Variants in ZFAND3 observed in about 807,000 individuals in gnomAD.
ZFAND3 encodes AN1-type zinc finger protein 3.
In ZFAND3, 10 loss-of-function variants were observed where a neutral mutation model predicts 29.6. The ratio of observed to expected loss-of-function variants is 0.34; its 90% CI spans 0.21 to 0.57. The LOEUF (loss-of-function observed/expected upper bound fraction) is 0.57. Ranked by LOEUF, ZFAND3 falls within the 20% of genes least tolerant of loss-of-function variation. The pLI, the probability that ZFAND3 is intolerant of heterozygous loss-of-function variation, is 0.86. For synonymous variants in ZFAND3, 128 were observed against 112.6 expected, an observed-to-expected ratio of 1.14 and a Z score of -0.87; for missense variants, 230 against 304.5, an observed-to-expected ratio of 0.76 and a Z score of 1.82.
chr6:38,096,338 A>C (rs1467666526), intron 4 of ZFAND3, among the ~76,000 whole-genome samples: 1 of 152,086 alleles, frequency 6.6e-6, no homozygotes, highest in African/African-American at 2.4e-5. Flanking sequence ...ACATCGGGCT[A>C]ACTTTTGTAT....
intron 5 of ZFAND3, among the ~76,000 whole-genome samples, chr6:38,151,279 A>C (rs928937979): frequency 9.9e-5 from 15 of 152,074 alleles, no homozygotes; most frequent in Non-Finnish European, 5.9e-5. Flanking sequence ...ATCTTTCATC[A>C]CTGGTCTTTT....
At chr6:37,909,620 CTTTTTTTT>C (rs34105026) in intron 1 of ZFAND3, among the ~76,000 whole-genome samples, 2 of 122,992 alleles carry the variant, frequency 1.6e-5, no homozygotes, top group African/African-American at 2.9e-5. Flanking sequence ...GTTCAGAATT[CTTTTTTTT>C]TTTTTTTTTT....
intron 2 of ZFAND3, among the ~76,000 whole-genome samples, chr6:37,961,163 G>T (rs1324615133): frequency 6.6e-6 from 1 of 152,194 alleles, no homozygotes; most frequent in Non-Finnish European, 1.5e-5. Context: ...TGGGCCACCA[G>T]ACAGGAGCCC....
intron 2 of ZFAND3, among the ~76,000 whole-genome samples, chr6:38,018,678 A>G (rs1763292503): frequency 6.6e-6 from 1 of 152,088 alleles, no homozygotes; most frequent in African/African-American, 2.4e-5. Context: ...CATTTATTAA[A>G]CCAGTTCTCT....
chr6:38,082,137 C>T (rs1249806586), intron 3 of ZFAND3, among the ~76,000 whole-genome samples: 11 of 150,362 alleles, frequency 7.3e-5, no homozygotes, highest in Non-Finnish European at 1.5e-4. Flanking sequence ...ATGTGAGACT[C>T]GGCTGTTTTT....
chr6:37,903,217 T>A (rs750019416), intron 1 of ZFAND3, among the ~76,000 whole-genome samples: 2 of 152,232 alleles, frequency 1.3e-5, no homozygotes, highest in African/African-American at 4.8e-5. Context: ...ATTACCTGTA[T>A]AATTGAAAAA....
rs70981523 is a variant in ZFAND3 at position 38,120,320 on chromosome 6, CTTTTTTTTTT to C, written c.529+3602_529+3611del. Among the ~76,000 whole-genome samples the C allele has an allele frequency of 1.6e-3, 96 of 60,734 alleles. No individual in the cohort carries two copies. In the East Asian group the frequency reaches 0.016, roughly 10 times the overall value. 39.8% of individuals were successfully genotyped at this position (60,734 alleles called of 152,430 possible). Reference sequence around the variant, plus strand: ...TGATTGATACACGTAGCTTGGCTTCCTTTTTTTTTTTTTTTTTTTTTTTTTTTTTTGTGGA... The same window carrying C: ...TGATTGATACACGTAGCTTGGCTTCCTTTTTTTTTTTTTTTTTTTTGTGGA... On this transcript the variant is annotated intron_variant, in intron 5 of 5. Transcript: ENST00000287218.
At chr6:38,032,110 AGCGT>A (rs750835939) in intron 2 of ZFAND3, among the ~76,000 whole-genome samples, 85 of 152,064 alleles carry the variant, frequency 5.6e-4, no homozygotes, top group Non-Finnish European at 1.0e-3. Context: ...TGGAATTACA[AGCGT>A]GAGCCACCAT....
chr6:38,016,128 G>T (rs1561967276), intron 2 of ZFAND3, among the ~76,000 whole-genome samples: 2 of 152,100 alleles, frequency 1.3e-5, no homozygotes, highest in African/African-American at 4.8e-5. Flanking sequence ...TTAGGTTTTG[G>T]AGTCAAATAT....
Position 37,873,217 on chromosome 6 carries a change from G to A in ZFAND3, c.71+53201G>A, listed in dbSNP as rs1021160642. 7.2e-5 allele frequency among the ~76,000 whole-genome samples: 11 copies of A among 152,362 alleles called. 1 individual carries two copies. Among genetic ancestry groups the A allele is most frequent in the Admixed American group, 3.3e-4 (5 of 15,314 alleles). On this transcript the variant is annotated intron_variant, in intron 1 of 5. Coordinates refer to ENST00000287218, the MANE Select transcript of ZFAND3 (RefSeq NM_021943.3). Reference sequence around the variant, plus strand: ...ACCCGGGAGGCGAAGCTTGCGGTGAGCCGAGATCACGCCACTGCATTCAGC... The same window carrying A: ...ACCCGGGAGGCGAAGCTTGCGGTGAACCGAGATCACGCCACTGCATTCAGC...
intron 2 of ZFAND3, among the ~76,000 whole-genome samples, chr6:38,014,867 C>G (rs1763227207): frequency 6.6e-6 from 1 of 152,184 alleles, no homozygotes; most frequent in Admixed American, 6.5e-5. Flanking sequence ...TTTGCCTCTT[C>G]TTTCTGCTTC....
chr6:38,072,531 A>T (rs1013937287), intron 3 of ZFAND3, among the ~76,000 whole-genome samples: 2 of 152,242 alleles, frequency 1.3e-5, no homozygotes, highest in Non-Finnish European at 2.9e-5. Context: ...CACACTTCAC[A>T]CAGCTTTAGC....
intron 5 of ZFAND3, among the ~76,000 whole-genome samples, chr6:38,135,873 C>T (rs1046520762): frequency 3.3e-5 from 5 of 152,168 alleles, no homozygotes; most frequent in Non-Finnish European, 7.4e-5. Flanking sequence ...GCCCTTGAGC[C>T]TGCAGTCCAG....
intron 1 of ZFAND3, among the ~76,000 whole-genome samples, chr6:37,899,779 T>A (rs1759269705): frequency 6.6e-6 from 1 of 152,218 alleles, no homozygotes; most frequent in Non-Finnish European, 1.5e-5. Flanking sequence ...TTCAAAATGG[T>A]TTACAGTGAA....
At chr6:38,095,283 A>G (rs1764954695) in intron 4 of ZFAND3, among the ~76,000 whole-genome samples, 1 of 152,208 alleles carries the variant, frequency 6.6e-6, no homozygotes, top group African/African-American at 2.4e-5. Flanking sequence ...GAGCCATGGA[A>G]AAAGAATGTT....
chr6:37,958,730 G>T (rs1258941694), intron 2 of ZFAND3, among the ~76,000 whole-genome samples: 1 of 151,830 alleles, frequency 6.6e-6, no homozygotes, highest in East Asian at 1.9e-4. Context: ...GGCTTTTCAG[G>T]ACCGCCCCCC....
chr6:37,979,801 C>T (rs1457165252), intron 2 of ZFAND3, among the ~76,000 whole-genome samples: 1 of 152,184 alleles, frequency 6.6e-6, no homozygotes, highest in African/African-American at 2.4e-5. Flanking sequence ...TTTTTCTGTT[C>T]TGTGAACTCT....
chr6:38,125,543 C>T (rs1562008838), intron 5 of ZFAND3, among the ~76,000 whole-genome samples: 1 of 152,320 alleles, frequency 6.6e-6, no homozygotes, highest in East Asian at 1.9e-4. Context: ...CCCCACCCAT[C>T]CCATACTGAC....
At chr6:38,017,872 T>A (rs537258601) in intron 2 of ZFAND3, among the ~76,000 whole-genome samples, 1 of 152,226 alleles carries the variant, frequency 6.6e-6, no homozygotes, top group Admixed American at 6.5e-5. Context: ...CGTGTCAGCA[T>A]TCTTGATCTC....
Sources: allele counts gnomAD v4.1 joint callset (sites outside exome capture counted in the v4.1 genomes callset), GRCh38; gene constraint gnomAD v4.1.1; transcripts MANE v1.5; gene names NCBI Gene and HGNC (gene_info 2026-07-23, HGNC 2026-07-21).